SAP30BP: variants seen among roughly 807,000 people sequenced by gnomAD.
SAP30BP encodes SAP30 binding protein.
Under a neutral mutation model 46.3 loss-of-function variants are expected in SAP30BP, and 31 were observed. That is an observed-to-expected ratio of 0.67 (90% CI 0.50 to 0.90). SAP30BP has a LOEUF of 0.90. Ranked by LOEUF, SAP30BP falls within the 40% of genes least tolerant of loss-of-function variation. The pLI, the probability that SAP30BP is intolerant of heterozygous loss-of-function variation, is 0.00. For missense variants in SAP30BP, 312 were observed against 391.0 expected (o/e 0.80, Z 1.70); for synonymous variants, 169 against 144.2 (o/e 1.17, Z -1.23).
At chr17:75,676,053 T>C (rs2059985785) in intron 3 of SAP30BP, among the ~76,000 whole-genome samples, 1 of 152,256 alleles carries the variant, frequency 6.6e-6, no homozygotes, top group Non-Finnish European at 1.5e-5. Flanking sequence ...TAATAGAATA[T>C]GGCTGGGTAC....
chr17:75,703,128 C>T (rs1384451366), intron 6 of SAP30BP, 183 bp from the exon 7 acceptor site: 2 of 604,782 alleles, frequency 3.3e-6, no homozygotes, highest in Admixed American at 5.6e-5. Flanking sequence ...GTGCTCCTCC[C>T]GGCCCCTAGC....
intron 8 of SAP30BP, 140 bp downstream of exon 8, chr17:75,703,999 T>C: frequency 1.4e-6 from 1 of 718,920 alleles, no homozygotes; most frequent in East Asian, 2.5e-5. Flanking sequence ...GGTACAGGCC[T>C]GAATGAGACA....
chr17:75,687,808 A>G (rs970683392), intron 3 of SAP30BP, among the ~76,000 whole-genome samples: 1 of 152,146 alleles, frequency 6.6e-6, no homozygotes, highest in Non-Finnish European at 1.5e-5. Context: ...GAATCTACAC[A>G]TGAAACTCAC....
intron 2 of SAP30BP, among the ~76,000 whole-genome samples, chr17:75,670,228 A>G (rs1471656810): frequency 1.3e-5 from 2 of 152,122 alleles, no homozygotes; most frequent in Non-Finnish European, 2.9e-5. Context: ...AGGCTGAGGC[A>G]GGAGAATCGC....
chr17:75,674,697 GTTTTTTTTTTTTTT>G (rs66721865), intron 3 of SAP30BP, among the ~76,000 whole-genome samples: 3 of 61,504 alleles, frequency 4.9e-5, no homozygotes, highest in African/African-American at 1.6e-4. Context: ...TTTGTTTTTT[GTTTTTTTTTTTTTT>G]TTTTTTTTTT....
intron 3 of SAP30BP, among the ~76,000 whole-genome samples, chr17:75,677,606 ATTT>A (rs36026460): frequency 5.5e-5 from 6 of 109,676 alleles, no homozygotes; most frequent in Admixed American, 9.3e-5. Context: ...TAATTTTTGT[ATTT>A]TTTTTTTTTT....
intron 2 of SAP30BP, 66 bp from the exon 3 acceptor site, chr17:75,671,750 T>G: frequency 8.0e-7 from 1 of 1,244,922 alleles, no homozygotes; most frequent in Non-Finnish European, 1.2e-6. Flanking sequence ...CGGCCCCTAG[T>G]TATGCATGTG....
chr17:75,673,835 T>C (rs820131), intron 3 of SAP30BP, among the ~76,000 whole-genome samples: 50,081 of 152,038 alleles, frequency 0.33, 8,615 homozygotes, highest in East Asian at 0.54. Context: ...TTCTCAGCCC[T>C]ACATCACGGC....
At chr17:75,686,266 T>C (rs372136465) in intron 3 of SAP30BP, among the ~76,000 whole-genome samples, 4 of 151,850 alleles carry the variant, frequency 2.6e-5, no homozygotes, top group African/African-American at 9.7e-5. Flanking sequence ...GCCTGTAATC[T>C]CAGCACTTTG....
chr17:75,703,069 G>A (rs2148420655), intron 6 of SAP30BP: 1 of 556,750 alleles, frequency 1.8e-6, no homozygotes, highest in Non-Finnish European at 3.2e-6. Flanking sequence ...CAATCCAGCT[G>A]TGCAGACTGA....
intron 3 of SAP30BP, among the ~76,000 whole-genome samples, chr17:75,685,948 A>AT (rs34914910): frequency 0.47 from 71,206 of 152,068 alleles, 18,873 homozygotes; most frequent in Non-Finnish European, 0.6. Context: ...CTTGAATCAA[A>AT]TGTAGATTGT....
intron 4 of SAP30BP, among the ~76,000 whole-genome samples, chr17:75,693,920 C>G (rs2060276284): frequency 6.6e-6 from 1 of 152,224 alleles, no homozygotes; most frequent in African/African-American, 2.4e-5. Flanking sequence ...CCTCACAGCC[C>G]TGGAGTCTGG....
At chr17:75,675,920 C>A (rs1465140190) in intron 3 of SAP30BP, among the ~76,000 whole-genome samples, 1 of 152,026 alleles carries the variant, frequency 6.6e-6, no homozygotes, top group African/African-American at 2.4e-5. Context: ...TTGTCTCAAA[C>A]AAACAAACCT....
At chr17:75,672,551 C>G (rs2059922394) in intron 3 of SAP30BP, among the ~76,000 whole-genome samples, 1 of 152,166 alleles carries the variant, frequency 6.6e-6, no homozygotes, top group African/African-American at 2.4e-5. Context: ...GAAATGTGTA[C>G]TTGCTGAAGA....
intron 3 of SAP30BP, among the ~76,000 whole-genome samples, chr17:75,674,784 C>T (rs1374026381): frequency 1.4e-5 from 2 of 145,836 alleles, no homozygotes; most frequent in Non-Finnish European, 3.0e-5. Context: ...TTACTGCAGC[C>T]ACAACCTCCC....
At chr17:75,683,407 C>A (rs1348484751) in intron 3 of SAP30BP, 1 of 151,326 alleles carries the variant, frequency 6.6e-6, no homozygotes, top group Non-Finnish European at 1.5e-5. Flanking sequence ...TTTTAAAAAC[C>A]CATTGAGATC....
intron 9 of SAP30BP, 63 bp from the exon 10 acceptor site, chr17:75,705,945 A>T: frequency 6.2e-7 from 1 of 1,602,412 alleles, no homozygotes; most frequent in Admixed American, 1.7e-5. Flanking sequence ...GAGCTGACGG[A>T]TGGCAAAAAG....
intron 6 of SAP30BP, chr17:75,703,016 G>A (rs1365066721): frequency 2.2e-6 from 1 of 452,090 alleles, no homozygotes; most frequent in African/African-American, 2.0e-5. Context: ...TGACATACAG[G>A]GAAAAGAGCA....
chr17:75,668,714 G>T, intron 2 of SAP30BP, 89 bp downstream of exon 2: 1 of 823,800 alleles, frequency 1.2e-6, no homozygotes, highest in Non-Finnish European at 2.0e-6. Flanking sequence ...CCATTTCATG[G>T]TTAGCTCCAT....
Sources: gnomAD v4.1 joint callset for allele counts (sites outside exome capture counted in the v4.1 genomes callset) on GRCh38, gnomAD v4.1.1 for gene constraint, MANE v1.5 for transcripts, NCBI Gene and HGNC (gene_info 2026-07-23, HGNC 2026-07-21) for gene names.